BFAR: variants seen among roughly 807,000 people sequenced by gnomAD.
BFAR encodes bifunctional apoptosis regulator.
In BFAR, 52 loss-of-function variants were observed where a neutral mutation model predicts 54.4. The observed-to-expected ratio is 0.96, with a 90% confidence interval of 0.77 to 1.21. BFAR has a LOEUF of 1.21. Among genes scored for constraint, BFAR ranks in the 50% most tolerant of loss-of-function variants. BFAR has a pLI of 0.00. For synonymous variants in BFAR, 215 were observed against 204.3 expected, an observed-to-expected ratio of 1.05 and a Z score of -0.45; for missense variants, 571 against 534.0, an observed-to-expected ratio of 1.07 and a Z score of -0.68.
At position 14,668,014 on chromosome 16, in the gene BFAR, A is replaced by G. The variant is rs985084080; in HGVS notation, c.*187A>G. 3 of 613,982 alleles carry G rather than the reference A, an allele frequency of 4.9e-6. No homozygotes were observed. Among genetic ancestry groups the G allele is most frequent in the Non-Finnish European group, 8.5e-6 (3 of 354,812 alleles). The allele number at this position is 613,982 out of a possible 1,614,324, so 38.0% of individuals were successfully genotyped here. On this transcript the variant is annotated 3_prime_UTR_variant, in exon 8 of 8. Transcript: ENST00000261658. The stretch of plus-strand genomic sequence containing the variant: ...CTGTGGGTGGCACGAGCAAGGACTG[A>G]CATCCGCACAGGGAGGATTGTCTGT...
chr16:14,635,743 T>C (rs1206458104), intron 1 of BFAR, among the ~76,000 whole-genome samples: 1 of 151,724 alleles, frequency 6.6e-6, no homozygotes, highest in Non-Finnish European at 1.5e-5. Flanking sequence ...AGTAAGTGAC[T>C]GGAAATGCTT....
intron 5 of BFAR, among the ~76,000 whole-genome samples, chr16:14,656,420 G>A (rs767079951): frequency 6.6e-6 from 1 of 151,880 alleles, no homozygotes; most frequent in Non-Finnish European, 1.5e-5. Context: ...CATTTGCGAG[G>A]CTGAGGCTGC....
intron 5 of BFAR, 44 bp from the exon 6 acceptor site, chr16:14,661,848 G>GC: frequency 6.2e-7 from 1 of 1,600,692 alleles, no homozygotes; most frequent in Non-Finnish European, 8.5e-7. Flanking sequence ...TGGGTAGCTG[G>GC]CCGCCATGGT....
chr16:14,659,539 C>T (rs1292083314), intron 5 of BFAR, among the ~76,000 whole-genome samples: 2 of 150,132 alleles, frequency 1.3e-5, no homozygotes, highest in African/African-American at 4.9e-5. Flanking sequence ...CCACCATGTC[C>T]GGCCTCTATA....
At chr16:14,640,163 A>G (rs944952783) in intron 1 of BFAR, among the ~76,000 whole-genome samples, 3 of 152,010 alleles carry the variant, frequency 2.0e-5, no homozygotes, top group South Asian at 2.1e-4. Context: ...AAAAAAAAAA[A>G]AAGAAGAAGA....
At chr16:14,659,206 G>T (rs890590872) in intron 5 of BFAR, among the ~76,000 whole-genome samples, 1 of 151,362 alleles carries the variant, frequency 6.6e-6, no homozygotes, top group Non-Finnish European at 1.5e-5. Context: ...ACCATGCCCA[G>T]CCTGTAGTAT....
At chr16:14,664,223 G>A (rs1960372350) in intron 6 of BFAR, among the ~76,000 whole-genome samples, 2 of 152,174 alleles carry the variant, frequency 1.3e-5, no homozygotes, top group South Asian at 2.1e-4. Flanking sequence ...ACATGCTTCA[G>A]AAGGGATGTG....
intron 5 of BFAR, among the ~76,000 whole-genome samples, chr16:14,661,025 T>C (rs1409420380): frequency 6.6e-6 from 1 of 151,992 alleles, no homozygotes; most frequent in Non-Finnish European, 1.5e-5. Context: ...CCACCACGCT[T>C]ACCCTGAATA....
rs775918583 is a variant in BFAR at position 14,644,660 on chromosome 16, C to A, written c.263+51C>A. The A allele has an allele frequency of 1.5e-4, 222 of 1,435,076 alleles. No individual in the cohort carries two copies. In the East Asian group the frequency reaches 3.8e-3, roughly 25 times the overall value. The allele number at this position is 1,435,076 out of a possible 1,614,324, so 88.9% of individuals were successfully genotyped here. ...ACAAACAGCCCATAAAATGTGGTTT[C>A]TCTCTTGCTTTTTTTTTTTTTTTTT... On this transcript the variant is annotated intron_variant, in intron 2 of 7. Coordinates refer to ENST00000261658, the MANE Select transcript of BFAR (RefSeq NM_016561.3).
chr16:14,662,613 G>A (rs1789490346), intron 6 of BFAR, among the ~76,000 whole-genome samples: 1 of 152,064 alleles, frequency 6.6e-6, no homozygotes. Flanking sequence ...TCGACCTCCT[G>A]GGCTCAAGCG....
chr16:14,643,194 T>C (rs997256344), intron 1 of BFAR, among the ~76,000 whole-genome samples: 1 of 151,982 alleles, frequency 6.6e-6, no homozygotes, highest in Non-Finnish European at 1.5e-5. Flanking sequence ...GCACCTGTAA[T>C]CCCAGCTACT....
intron 6 of BFAR, among the ~76,000 whole-genome samples, chr16:14,663,774 A>G (rs1355922570): frequency 6.6e-6 from 1 of 152,114 alleles, no homozygotes; most frequent in South Asian, 2.1e-4. Context: ...ACCATAGCCA[A>G]TGTTGAATTT....
chr16:14,633,424 G>A (rs1959326471), intron 1 of BFAR: 1 of 152,448 alleles, frequency 6.6e-6, no homozygotes, highest in African/African-American at 2.4e-5. Context: ...GCAACAGCCG[G>A]ACCAGAATTG....
intron 1 of BFAR, among the ~76,000 whole-genome samples, chr16:14,635,959 G>A (rs1470189041): frequency 2.0e-5 from 3 of 152,078 alleles, no homozygotes; most frequent in African/African-American, 4.8e-5. Context: ...TGGGAGAGCC[G>A]GCTTTTGTCT....
At chr16:14,646,279 C>A (rs1033400334) in intron 2 of BFAR, among the ~76,000 whole-genome samples, 1 of 152,142 alleles carries the variant, frequency 6.6e-6, no homozygotes, top group Non-Finnish European at 1.5e-5. Flanking sequence ...TCTCAAACTC[C>A]TTACCTCAGA....
chr16:14,656,909 C>T (rs1960144832), intron 5 of BFAR, among the ~76,000 whole-genome samples: 1 of 152,058 alleles, frequency 6.6e-6, no homozygotes, highest in African/African-American at 2.4e-5. Flanking sequence ...TCCAGACCAG[C>T]CTGACCAACA....
In BFAR at chr16:14,667,618, T is replaced by C. The variant is rs1026180161; in HGVS notation, c.1161-17T>C. ...TGAGAAGCGCCTCCGATTCAGCCTC[T>C]TCTCTTCTTGTTTCAGGACCGTGCC... On this transcript the variant is annotated splice_polypyrimidine_tract_variant and intron_variant, in intron 7 of 7. Coordinates refer to ENST00000261658, the MANE Select transcript of BFAR (RefSeq NM_016561.3). 11 of 1,609,968 alleles carry C rather than the reference T, an allele frequency of 6.8e-6. No homozygotes were observed. Among genetic ancestry groups the C allele is most frequent in the Middle Eastern group, 1.8e-4 (1 of 5,698 alleles).
rs538108339 is a variant in BFAR, at chr16:14,643,621, T to G, written c.-73-653T>G. On this transcript the variant is annotated intron_variant, in intron 1 of 7. Transcript: ENST00000261658. ...GCATCTCTACTAAAAATACAAAAAATTACCCGGGCATAGTAGTGCACACCT... is the reference window on the plus strand; with the variant it reads ...GCATCTCTACTAAAAATACAAAAAAGTACCCGGGCATAGTAGTGCACACCT... Among the ~76,000 whole-genome samples, 5 of 152,112 alleles carry G rather than the reference T, an allele frequency of 3.3e-5. No individual in the cohort carries two copies. The South Asian group carries it at 1.0e-3, about 32-fold the overall frequency.
intron 6 of BFAR, among the ~76,000 whole-genome samples, chr16:14,664,272 G>A (rs745462106): frequency 1.3e-5 from 2 of 151,148 alleles, no homozygotes; most frequent in Admixed American, 6.6e-5. Flanking sequence ...TGGTAAGTAC[G>A]AGAACATACT....
Sources: allele counts gnomAD v4.1 joint callset (sites outside exome capture counted in the v4.1 genomes callset), GRCh38; gene constraint gnomAD v4.1.1; transcripts MANE v1.5; gene names NCBI Gene and HGNC (gene_info 2026-07-23, HGNC 2026-07-21).